Variants in PLAC9 observed in about 807,000 individuals in gnomAD.
PLAC9 encodes the protein placenta associated 9, also known as placenta-specific protein 9.
PLAC9 carries 12 observed loss-of-function variants against 11.5 expected under a neutral mutation model. That is an observed-to-expected ratio of 1.05 (90% CI 0.67 to 1.69). The LOEUF (loss-of-function observed/expected upper bound fraction) is 1.69, where lower values mean the gene tolerates loss of function less well. PLAC9 is among the 40% of genes most tolerant of loss of function. The pLI is 0.00. For missense variants in PLAC9, 132 were observed against 130.5 expected, an observed-to-expected ratio of 1.01 and a Z score of -0.06; for synonymous variants, 62 against 58.1, an observed-to-expected ratio of 1.07 and a Z score of -0.31.
intron 1 of PLAC9, among the ~76,000 whole-genome samples, chr10:80,133,483 G>A (rs1484423904): frequency 6.6e-6 from 1 of 152,246 alleles, no homozygotes; most frequent in Non-Finnish European, 1.5e-5. Context: ...GGGCCCAGGA[G>A]AAAGGCCACC....
intron 1 of PLAC9, among the ~76,000 whole-genome samples, chr10:80,138,951 CT>C (rs773767546): frequency 0.064 from 8,350 of 131,176 alleles, 222 homozygotes; most frequent in Middle Eastern, 0.12. Context: ...TGCAATATTC[CT>C]TTTTTTTTTT....
intron 1 of PLAC9, among the ~76,000 whole-genome samples, chr10:80,139,276 T>G (rs1254577423): frequency 6.6e-6 from 1 of 152,128 alleles, no homozygotes; most frequent in Non-Finnish European, 1.5e-5. Context: ...CTTTACCTCT[T>G]GTTCCTCCTG....
At chr10:80,143,414 TTG>T (rs1554829249) in intron 2 of PLAC9, among the ~76,000 whole-genome samples, 7,394 of 87,798 alleles carry the variant, frequency 0.084, 392 homozygotes, top group South Asian at 0.22. Context: ...TTTTTTTTTT[TTG>T]AGGCAGAGTC....
chr10:80,139,647 A>T (rs967393191), intron 1 of PLAC9, among the ~76,000 whole-genome samples: 1 of 152,078 alleles, frequency 6.6e-6, no homozygotes, highest in Non-Finnish European at 1.5e-5. Flanking sequence ...CAAGTCCCTT[A>T]CCTAGTGGTG....
intron 3 of PLAC9, 33 bp downstream of exon 3, chr10:80,144,376 G>T: frequency 6.4e-7 from 1 of 1,555,392 alleles, no homozygotes; most frequent in Non-Finnish European, 8.7e-7. Context: ...GACAGCCTCT[G>T]GGCGGCTGTC....
chr10:80,133,943 CAAAA>C (rs61127711), intron 1 of PLAC9, among the ~76,000 whole-genome samples: 4 of 107,748 alleles, frequency 3.7e-5, no homozygotes, highest in Non-Finnish European at 7.1e-5. Flanking sequence ...GACTCAGTTT[CAAAA>C]AAAAAAAAAA....
rs1319417826 is a variant in PLAC9 at position 80,143,415 on chromosome 10, TG to T, written c.163-807del. Among the ~76,000 whole-genome samples, 128 of 70,176 alleles carry T rather than the reference TG, an allele frequency of 1.8e-3. 1 individual carries two copies. The highest frequency in any genetic ancestry group is 3.0e-3 in the Admixed American group (15 of 4,964). 46.0% of individuals were successfully genotyped at this position (70,176 alleles called of 152,430 possible). On this transcript the variant is annotated intron_variant, in intron 2 of 3. Transcript: ENST00000372263. ...TTTTTTTTTTTTTTTTTTTTTTTTT[TG>T]AGGCAGAGTCTCACTCTGTCACCCA...
intron 3 of PLAC9, 143 bp downstream of exon 3, chr10:80,144,486 G>A: frequency 2.4e-6 from 3 of 1,240,438 alleles, no homozygotes; most frequent in Non-Finnish European, 3.2e-6. Flanking sequence ...ACGGAAGCGG[G>A]ACGGCATCAT....
At chr10:80,143,354 A>G (rs1203404793) in intron 2 of PLAC9, among the ~76,000 whole-genome samples, 2 of 148,948 alleles carry the variant, frequency 1.3e-5, no homozygotes, top group Admixed American at 6.7e-5. Flanking sequence ...GTGAGCCACC[A>G]TGCTGGGCCA....
intron 1 of PLAC9, among the ~76,000 whole-genome samples, chr10:80,141,309 C>T (rs1252537730): frequency 6.6e-6 from 1 of 152,076 alleles, no homozygotes; most frequent in Non-Finnish European, 1.5e-5. Flanking sequence ...GTTAAAATAA[C>T]CCCCCTTGGC....
chr10:80,144,456 G>A (rs1845077654), intron 3 of PLAC9, 113 bp downstream of exon 3: 1 of 1,363,814 alleles, frequency 7.3e-7, no homozygotes, highest in East Asian at 2.5e-5. Context: ...TGGCAGGGAG[G>A]GCCCCAGCGC....
At position 80,145,162 on chromosome 10, in the gene PLAC9, G is replaced by A. The variant is rs1444120758; in HGVS notation, c.*252G>A. On this transcript the variant is annotated 3_prime_UTR_variant, in exon 4 of 4. Coordinates refer to ENST00000372263, the MANE Select transcript of PLAC9 (RefSeq NM_001012973.3). Reference sequence around the variant, plus strand: ...CACCCCCACTCCTGTCATTTATAGGGGCAGATGGAGCAGGGGTTGATTCAC... The same window carrying A: ...CACCCCCACTCCTGTCATTTATAGGAGCAGATGGAGCAGGGGTTGATTCAC... 1 of 637,060 alleles carries A rather than the reference G, an allele frequency of 1.6e-6. No homozygotes were observed. The highest frequency in any genetic ancestry group is 2.8e-6 in the Non-Finnish European group (1 of 358,948). The allele number at this position is 637,060 out of a possible 1,614,324, so 39.5% of individuals were successfully genotyped here.
intron 2 of PLAC9, among the ~76,000 whole-genome samples, chr10:80,142,914 G>C (rs1365060801): frequency 6.6e-6 from 1 of 152,108 alleles, no homozygotes; most frequent in Non-Finnish European, 1.5e-5. Flanking sequence ...GTAGAGGCAA[G>C]GTTTTGCTAT....
intron 1 of PLAC9, 97 bp downstream of exon 1, chr10:80,132,923 C>T (rs2819883): frequency 0.46 from 491,259 of 1,078,328 alleles, 119,462 homozygotes; most frequent in Non-Finnish European, 0.5. Context: ...GAGAGCTGGA[C>T]ACAGCAGCGA....
intron 2 of PLAC9, 88 bp downstream of exon 2, chr10:80,142,267 T>C: frequency 8.8e-7 from 1 of 1,135,210 alleles, no homozygotes; most frequent in East Asian, 2.7e-5. Flanking sequence ...TGCTTTGGAA[T>C]GTGAGGACAT....
intron 1 of PLAC9, among the ~76,000 whole-genome samples, chr10:80,140,236 AC>A (rs1343899468): frequency 4.6e-5 from 7 of 151,942 alleles, no homozygotes; most frequent in African/African-American, 1.7e-4. Flanking sequence ...AAAAATGACA[AC>A]CATAAATACT....
chr10:80,142,050 G>T (rs778814953), intron 1 of PLAC9, 32 bp from the exon 2 acceptor site: 1 of 1,575,116 alleles, frequency 6.3e-7, no homozygotes. Flanking sequence ...AAAACTAAGG[G>T]TCCCACAGTG....
intron 1 of PLAC9, among the ~76,000 whole-genome samples, chr10:80,133,870 G>C (rs1844941624): frequency 6.6e-6 from 1 of 151,562 alleles, no homozygotes; most frequent in African/African-American, 2.4e-5. Flanking sequence ...CTTGAACCTG[G>C]GAGGCGGAGG....
intron 3 of PLAC9, 127 bp from the exon 4 acceptor site, chr10:80,144,773 T>A: frequency 1.0e-6 from 1 of 965,904 alleles, no homozygotes; most frequent in Non-Finnish European, 1.5e-6. Context: ...CTCTCCTTGA[T>A]CCTTGTGTCC....
Sources: allele counts gnomAD v4.1 joint callset (sites outside exome capture counted in the v4.1 genomes callset), GRCh38; gene constraint gnomAD v4.1.1; transcripts MANE v1.5; gene names NCBI Gene and HGNC (gene_info 2026-07-23, HGNC 2026-07-21).